Variants in COL8A1 observed in about 807,000 individuals in gnomAD.
COL8A1 encodes the protein collagen type VIII alpha 1 chain.
A neutral mutation model predicts 42.7 loss-of-function variants in COL8A1; 21 were observed. The observed-to-expected ratio is 0.49, with a 90% CI of 0.35 to 0.71. The LOEUF is 0.71. Ranked by LOEUF, COL8A1 falls within the 30% of genes least tolerant of loss-of-function variation. COL8A1 has a pLI of 0.01. For missense variants in COL8A1, 788 were observed against 962.4 expected, an observed-to-expected ratio of 0.82 and a Z score of 2.40; for synonymous variants, 367 against 369.1, an observed-to-expected ratio of 0.99 and a Z score of 0.06.
chr3:99,759,001 A>C (rs1037004257), intron 2 of COL8A1, among the ~76,000 whole-genome samples: 3 of 152,160 alleles, frequency 2.0e-5, no homozygotes, highest in Middle Eastern at 3.4e-3. Flanking sequence ...CCAGAGAGTC[A>C]TATGGCTGGC....
At chr3:99,682,188 G>A (rs753331919) in intron 1 of COL8A1, among the ~76,000 whole-genome samples, 14 of 152,182 alleles carry the variant, frequency 9.2e-5, no homozygotes, top group Admixed American at 2.6e-4. Flanking sequence ...GCCAAGGCGG[G>A]AGGATGACTT....
At chr3:99,652,307 C>T (rs908628102) in intron 1 of COL8A1, among the ~76,000 whole-genome samples, 2 of 152,154 alleles carry the variant, frequency 1.3e-5, no homozygotes, top group African/African-American at 2.4e-5. Context: ...TGAAAATAAT[C>T]TATAATTAAT....
chr3:99,748,985 T>C (rs1446818162), intron 2 of COL8A1, among the ~76,000 whole-genome samples: 1 of 152,154 alleles, frequency 6.6e-6, no homozygotes, highest in Non-Finnish European at 1.5e-5. Context: ...CATTAAACTG[T>C]TAGGCTGATA....
At chr3:99,767,195 T>C (rs1373199730) in intron 2 of COL8A1, among the ~76,000 whole-genome samples, 1 of 152,232 alleles carries the variant, frequency 6.6e-6, no homozygotes, top group Non-Finnish European at 1.5e-5. Flanking sequence ...CTTTTTACAA[T>C]ACAACTTCAT....
chr3:99,796,129 C>T lies in COL8A1; in HGVS notation c.2228C>T (p.Pro743Leu), dbSNP rs1221811241. 2 of 1,462,474 alleles carry T rather than the reference C, an allele frequency of 1.4e-6. No individual in the cohort carries two copies. Among genetic ancestry groups the T allele is most frequent in the African/African-American group, 1.4e-5 (1 of 71,100 alleles). The allele number at this position is 1,462,474 out of a possible 1,614,324, so 90.6% of individuals were successfully genotyped here. A position where few individuals can be genotyped will look rare whatever the true frequency, so the allele number is the denominator to read the frequency against. Residue 743 changes from proline (P) to leucine (L), a missense_variant, in exon 4 of 4, where the codon CCC becomes CTC. Physicochemically the swap from Pro to Leu is moderately conservative, Grantham distance 98. Around this residue, in one of 4 missense-constraint regions of COL8A1, gnomAD observed 212 missense variants for 210.9 expected, o/e 1.00. Coordinates refer to ENST00000652472, the MANE Select transcript of COL8A1 (RefSeq NM_020351.4). ...TCCTTTTCAGGATATTTATTGTATC[C>T]CATGTAAAAACAAAAAAACAAAAAA... Reference protein sequence around the residue: ...HSSFSGYLLYPM With the variant: ...HSSFSGYLLYLM
chr3:99,698,316 C>CT (rs760157783), intron 1 of COL8A1, among the ~76,000 whole-genome samples: 2 of 152,166 alleles, frequency 1.3e-5, no homozygotes, highest in African/African-American at 2.4e-5. Context: ...ATTTATAATC[C>CT]TTTGGGTATA....
intron 1 of COL8A1, among the ~76,000 whole-genome samples, chr3:99,732,466 A>G (rs1940541383): frequency 6.6e-6 from 1 of 152,142 alleles, no homozygotes; most frequent in South Asian, 2.1e-4. Context: ...GGCAGCAGCA[A>G]GGAGAAGTGC....
At chr3:99,783,288 C>T (rs1390424887) in intron 2 of COL8A1, among the ~76,000 whole-genome samples, 1 of 152,184 alleles carries the variant, frequency 6.6e-6, no homozygotes, top group Admixed American at 6.5e-5. Context: ...GGGGCACAAC[C>T]TAATTGACTT....
At position 99,794,302 on chromosome 3, in the gene COL8A1, C is replaced by T; in HGVS notation, c.401C>T (p.Pro134Leu). Residue 134 changes from proline to leucine, a missense_variant, in exon 4 of 4, where the codon CCC becomes CTC. Around this residue, in one of 4 missense-constraint regions of COL8A1, gnomAD observed 421 missense variants for 553.1 expected, o/e 0.76. Transcript: ENST00000652472. The surrounding 1 kb of genome is among the most constrained non-coding windows in gnomAD (Gnocchi z 4.3). The part of the protein sequence containing the change: ...GEPGPRGPPG[P>L]PGLPGHGIPG... ...CCTGGCCCAAGAGGACCACCTGGGC[C>T]CCCTGGTTTGCCAGGTCATGGGATA... is the stretch of plus-strand genomic sequence containing the variant. The T allele has an allele frequency of 6.2e-7, 1 of 1,613,544 alleles. No homozygotes were observed. Among genetic ancestry groups the T allele is most frequent in the Non-Finnish European group, 8.5e-7 (1 of 1,179,730 alleles).
intron 1 of COL8A1, among the ~76,000 whole-genome samples, chr3:99,666,607 G>T (rs1037064243): frequency 6.6e-6 from 1 of 152,224 alleles, no homozygotes; most frequent in Non-Finnish European, 1.5e-5. Flanking sequence ...ATTTAGACTA[G>T]TGTGGAAAGT....
chr3:99,784,000 C>T (rs566094008), intron 2 of COL8A1, among the ~76,000 whole-genome samples: 1 of 152,252 alleles, frequency 6.6e-6, no homozygotes, highest in South Asian at 2.1e-4. Context: ...AGCTTGTATT[C>T]CTAGTCAGAA....
chr3:99,732,996 T>G (rs959601686), intron 1 of COL8A1, among the ~76,000 whole-genome samples: 10 of 152,130 alleles, frequency 6.6e-5, no homozygotes, highest in Middle Eastern at 3.4e-3. Flanking sequence ...AGCTCCAGAA[T>G]GATCTCCTTT....
At chr3:99,764,027 G>A (rs550684909) in intron 2 of COL8A1, among the ~76,000 whole-genome samples, 6 of 152,054 alleles carry the variant, frequency 3.9e-5, no homozygotes, top group Non-Finnish European at 8.8e-5. Flanking sequence ...GAACTGTTTC[G>A]TTGGCTGACC....
chr3:99,682,311 G>A (rs1340691612), intron 1 of COL8A1, among the ~76,000 whole-genome samples: 1 of 152,120 alleles, frequency 6.6e-6, no homozygotes, highest in Non-Finnish European at 1.5e-5. Context: ...CAGCTACTCG[G>A]GAGTCTGAGA....
chr3:99,685,222 G>A (rs1939014632), intron 1 of COL8A1, among the ~76,000 whole-genome samples: 1 of 152,080 alleles, frequency 6.6e-6, no homozygotes, highest in Non-Finnish European at 1.5e-5. Flanking sequence ...TCTTAACACT[G>A]TCTTACCATC....
At chr3:99,737,912 G>A (rs1379669975) in intron 1 of COL8A1, among the ~76,000 whole-genome samples, 1 of 150,996 alleles carries the variant, frequency 6.6e-6, no homozygotes, top group African/African-American at 2.4e-5. Flanking sequence ...TTTCTTGGAG[G>A]CTTTGCTCAT....
intron 1 of COL8A1, among the ~76,000 whole-genome samples, chr3:99,677,335 C>A (rs1240269271): frequency 6.6e-6 from 1 of 152,068 alleles, no homozygotes; most frequent in African/African-American, 2.4e-5. Flanking sequence ...TTCTTGCTCT[C>A]ATCTGTTAGC....
chr3:99,656,440 A>C (rs1938025032), intron 1 of COL8A1, among the ~76,000 whole-genome samples: 1 of 151,820 alleles, frequency 6.6e-6, no homozygotes, highest in Non-Finnish European at 1.5e-5. Flanking sequence ...TGCAACCAAG[A>C]CCAGGGAAGT....
At chr3:99,679,506 T>C (rs1938801836) in intron 1 of COL8A1, 2 of 152,222 alleles carry the variant, frequency 1.3e-5, no homozygotes, top group Non-Finnish European at 2.9e-5. Flanking sequence ...CAACTGCATT[T>C]CATTCACCAA....
Sources: allele counts gnomAD v4.1 joint callset (sites outside exome capture counted in the v4.1 genomes callset), GRCh38; gene constraint gnomAD v4.1.1; regional missense constraint gnomAD v4.1.1; non-coding constraint Gnocchi (gnomAD v3.1); transcripts MANE v1.5; gene names NCBI Gene and HGNC (gene_info 2026-07-23, HGNC 2026-07-21).